The following PPP6C variants were observed in gnomAD, a reference collection of about 807,000 sequenced individuals.
PPP6C encodes serine/threonine-protein phosphatase 6 catalytic subunit.
A neutral mutation model predicts 39.8 loss-of-function variants in PPP6C; 11 were observed. The observed-to-expected ratio is 0.28, with a 90% CI of 0.17 to 0.46. The LOEUF (loss-of-function observed/expected upper bound fraction) is 0.46, where lower values mean the gene tolerates loss of function less well. Ranked by LOEUF, PPP6C falls within the 20% of genes least tolerant of loss-of-function variation. PPP6C has a pLI of 1.00. For synonymous variants in PPP6C, 129 were observed against 130.3 expected (o/e 0.99, Z 0.07); for missense variants, 211 against 373.9 (o/e 0.56, Z 3.59).
chr9:125,155,904 C>CAAAAAAAAAAAAAAAAAAAAAA (rs1231626756), intron 4 of PPP6C, among the ~76,000 whole-genome samples: 1 of 61,454 alleles, frequency 1.6e-5, no homozygotes, highest in African/African-American at 6.3e-5. Flanking sequence ...GACTCCGTCT[C>CAAAAAAAAAAAAAAAAAAAAAA]AAAAAAAAAA....
intron 1 of PPP6C, among the ~76,000 whole-genome samples, chr9:125,182,688 T>C (rs988736925): frequency 2.0e-5 from 3 of 150,610 alleles, no homozygotes; most frequent in African/African-American, 7.3e-5. Context: ...CTACTAATTA[T>C]TCATTGCAGG....
At chr9:125,171,478 C>CACACACACACATATATATAT (rs1171157245) in intron 1 of PPP6C, among the ~76,000 whole-genome samples, 1 of 83,530 alleles carries the variant, frequency 1.2e-5, no homozygotes, top group Non-Finnish European at 2.2e-5. Flanking sequence ...CACACACACA[C>CACACACACACATATATATAT]ATATATATAT....
At chr9:125,177,646 T>C (rs1393964848) in intron 1 of PPP6C, among the ~76,000 whole-genome samples, 1 of 152,198 alleles carries the variant, frequency 6.6e-6, no homozygotes, top group Non-Finnish European at 1.5e-5. Context: ...AGTGGTACGT[T>C]TGTTACAGAT....
At chr9:125,153,785 G>C (rs1490806291) in intron 5 of PPP6C, 43 bp from the exon 6 acceptor site, 2 of 1,578,012 alleles carry the variant, frequency 1.3e-6, no homozygotes, top group Non-Finnish European at 1.7e-6. Context: ...ATAACCTCAG[G>C]CATATCTAAA....
chr9:125,172,085 T>C (rs1317752061), intron 1 of PPP6C: 2 of 364,352 alleles, frequency 5.5e-6, no homozygotes, highest in Non-Finnish European at 1.1e-5. Context: ...TACTCAGCAA[T>C]AAAAAGAAAC....
At position 125,160,923 on chromosome 9, in the gene PPP6C, A is replaced by C; in HGVS notation, c.172-17T>G. On this transcript the variant is annotated splice_polypyrimidine_tract_variant and intron_variant, in intron 2 of 6. Transcript: ENST00000373547. ...GTCATAAAACTATAAAAGAAATGCA[A>C]TACATGCTGATTACAAATTCCTGTT... 1 of 1,535,260 alleles carries C rather than the reference A, an allele frequency of 6.5e-7. No individual in the cohort carries two copies.
chr9:125,166,866 T>C (rs1227258839), intron 2 of PPP6C, among the ~76,000 whole-genome samples: 4 of 152,066 alleles, frequency 2.6e-5, no homozygotes. Context: ...GCAGTAGATA[T>C]GCTTTATGCA....
intron 6 of PPP6C, among the ~76,000 whole-genome samples, chr9:125,152,415 C>T (rs1588271619): frequency 6.6e-6 from 1 of 152,078 alleles, no homozygotes; most frequent in East Asian, 1.9e-4. Flanking sequence ...ACCACTGTGG[C>T]AGTAGGTTTT....
At chr9:125,184,503 G>T (rs1232113819) in intron 1 of PPP6C, among the ~76,000 whole-genome samples, 1 of 151,352 alleles carries the variant, frequency 6.6e-6, no homozygotes, top group East Asian at 1.9e-4. Context: ...GTTGCAGCAA[G>T]CTACAACTGC....
intron 6 of PPP6C, among the ~76,000 whole-genome samples, chr9:125,152,155 A>G (rs3780599): frequency 0.14 from 21,495 of 151,954 alleles, 1,637 homozygotes; most frequent in East Asian, 0.23. Context: ...AGCGCAGCAA[A>G]TGTTTCTTGG....
chr9:125,167,829 T>TGGGGGGGGG, intron 2 of PPP6C, among the ~76,000 whole-genome samples: 1 of 53,248 alleles, frequency 1.9e-5, no homozygotes, highest in Non-Finnish European at 3.5e-5. Context: ...GAGTTTGAGA[T>TGGGGGGGGG]GGGGGGGGGG....
At chr9:125,181,992 A>T (rs555915708) in intron 1 of PPP6C, among the ~76,000 whole-genome samples, 1 of 152,302 alleles carries the variant, frequency 6.6e-6, no homozygotes, top group Admixed American at 6.5e-5. Context: ...AATGATTGCC[A>T]TTCTAACTGG....
At chr9:125,180,173 T>C (rs994519916) in intron 1 of PPP6C, among the ~76,000 whole-genome samples, 4 of 152,058 alleles carry the variant, frequency 2.6e-5, no homozygotes, top group African/African-American at 9.7e-5. Flanking sequence ...CCCTATGTAT[T>C]ACCTCATAAA....
rs1549314 is a variant in PPP6C at position 125,148,028 on chromosome 9, T to G, written c.*1645A>C. The G allele has an allele frequency of 0.43, 80,013 of 185,994 alleles. 17,870 individuals are homozygous for G. The highest frequency in any genetic ancestry group is 0.53 in the East Asian group (2,744 of 5,178). 11.5% of individuals were successfully genotyped at this position (185,994 alleles called of 1,614,324 possible). On this transcript the variant is annotated 3_prime_UTR_variant, in exon 7 of 7. Transcript: ENST00000373547. ...GCAAATGTCTTAGCCACCTCTTTCA[T>G]ATAGCTATATAATTAAAAACTATGT...
chr9:125,156,253 G>T (rs1242184443), intron 4 of PPP6C, among the ~76,000 whole-genome samples: 4 of 152,138 alleles, frequency 2.6e-5, no homozygotes, highest in African/African-American at 9.7e-5. Flanking sequence ...CAGACAAACT[G>T]AAGAGTAAGA....
intron 1 of PPP6C, among the ~76,000 whole-genome samples, chr9:125,183,647 TC>T (rs1329870621): frequency 1.3e-5 from 2 of 152,178 alleles, no homozygotes; most frequent in East Asian, 3.8e-4. Flanking sequence ...CACTTCAAGT[TC>T]CCCGAACCAG....
At chr9:125,183,763 C>T (rs1315798652) in intron 1 of PPP6C, among the ~76,000 whole-genome samples, 1 of 152,196 alleles carries the variant, frequency 6.6e-6, no homozygotes, top group Non-Finnish European at 1.5e-5. Context: ...CTCGTAACTG[C>T]TCCTTTATGA....
intron 4 of PPP6C, among the ~76,000 whole-genome samples, chr9:125,157,290 G>A (rs1172444970): frequency 6.6e-6 from 1 of 151,870 alleles, no homozygotes; most frequent in Admixed American, 6.6e-5. Context: ...CTATTTTGCT[G>A]TTTATGACTA....
intron 1 of PPP6C, among the ~76,000 whole-genome samples, chr9:125,184,203 C>A (rs887034926): frequency 1.3e-5 from 2 of 151,992 alleles, no homozygotes; most frequent in Admixed American, 1.3e-4. Context: ...CTGGCAAACA[C>A]AGTGAAACCC....
Sources: allele counts gnomAD v4.1 joint callset (sites outside exome capture counted in the v4.1 genomes callset), GRCh38; gene constraint gnomAD v4.1.1; transcripts MANE v1.5; gene names NCBI Gene and HGNC (gene_info 2026-07-23, HGNC 2026-07-21).